DACH2: variants seen among roughly 807,000 people sequenced by gnomAD.
The protein encoded by DACH2 is dachshund homolog 2.
In DACH2, 17 loss-of-function variants were observed where a neutral mutation model predicts 35.8. That is an observed-to-expected ratio of 0.48 (90% CI 0.33 to 0.71). The LOEUF (loss-of-function observed/expected upper bound fraction) is 0.71. Ranked by LOEUF, DACH2 falls within the 30% of genes least tolerant of loss-of-function variation. DACH2 has a pLI of 0.02. For missense variants in DACH2, 469 were observed against 472.7 expected, an observed-to-expected ratio of 0.99 and a Z score of 0.07; for synonymous variants, 195 against 177.3, an observed-to-expected ratio of 1.10 and a Z score of -0.79.
At chrX:86,378,287 A>T (rs2035997485) in intron 2 of DACH2, among the ~76,000 whole-genome samples, 1 of 110,207 alleles carries the variant, frequency 9.1e-6, no homozygotes, top group Non-Finnish European at 1.9e-5. Context: ...ATCAGAGAAA[A>T]ACCATGAAGT....
At chrX:86,720,168 A>T (rs1316778888) in intron 6 of DACH2, among the ~76,000 whole-genome samples, 2 of 108,360 alleles carry the variant, frequency 1.8e-5, no homozygotes, top group African/African-American at 3.4e-5. Flanking sequence ...TGATCTCCTG[A>T]CCTTGTGATC....
At chrX:86,425,077 A>T (rs2036869664) in intron 2 of DACH2, among the ~76,000 whole-genome samples, 1 of 110,843 alleles carries the variant, frequency 9.0e-6, no homozygotes, top group South Asian at 3.7e-4. Flanking sequence ...TTGATTTGCT[A>T]GCATTTTGTT....
chrX:86,714,036 A>T (rs2041308095), intron 5 of DACH2, among the ~76,000 whole-genome samples: 1 of 111,682 alleles, frequency 9.0e-6, no homozygotes, highest in Non-Finnish European at 1.9e-5. Flanking sequence ...CATTTTAGAG[A>T]TTTATATCTA....
intron 1 of DACH2, among the ~76,000 whole-genome samples, chrX:86,233,306 T>A (rs919249738): frequency 2.7e-5 from 3 of 111,511 alleles, no homozygotes; most frequent in African/African-American, 9.8e-5. Flanking sequence ...TTTACCTATA[T>A]AACAAACCTG....
chrX:86,598,967 C>T (rs1035914090), intron 3 of DACH2, among the ~76,000 whole-genome samples: 2 of 109,877 alleles, frequency 1.8e-5, no homozygotes, highest in East Asian at 2.9e-4. Context: ...CGCCACCCCA[C>T]GACAGGCCCC....
intron 3 of DACH2, among the ~76,000 whole-genome samples, chrX:86,581,154 G>T (rs1425824855): frequency 1.8e-5 from 2 of 111,392 alleles, no homozygotes; most frequent in Admixed American, 9.6e-5. Flanking sequence ...GGAGAAATAA[G>T]ATCCTTCTAA....
intron 2 of DACH2, among the ~76,000 whole-genome samples, chrX:86,424,158 T>G (rs746886239): frequency 1.8e-5 from 2 of 110,676 alleles, no homozygotes; most frequent in African/African-American, 6.5e-5. Context: ...AGGAAAACTT[T>G]GGCTATTCTG....
At chrX:86,413,362 C>G (rs2036646983) in intron 2 of DACH2, among the ~76,000 whole-genome samples, 1 of 112,073 alleles carries the variant, frequency 8.9e-6, no homozygotes, top group African/African-American at 3.2e-5. Context: ...GCCTTATGGA[C>G]AGGAATGGAG....
intron 1 of DACH2, among the ~76,000 whole-genome samples, chrX:86,190,218 C>G (rs2031791413): frequency 9.1e-6 from 1 of 110,479 alleles, no homozygotes; most frequent in Non-Finnish European, 1.9e-5. Context: ...TATATGTAAA[C>G]TGTAATACTA....
At chrX:86,497,464 GAGACAGGA>G (rs1215307604) in intron 2 of DACH2, among the ~76,000 whole-genome samples, 1 of 111,475 alleles carries the variant, frequency 9.0e-6, no homozygotes, top group Admixed American at 9.6e-5. Context: ...GCAGGTGGAA[GAGACAGGA>G]AGACAGGTCA....
chrX:86,507,756 G>C (rs1301932811), intron 2 of DACH2, among the ~76,000 whole-genome samples: 1 of 111,655 alleles, frequency 9.0e-6, no homozygotes. Context: ...GAAGGTTCTG[G>C]AGCAAAATAT....
intron 7 of DACH2, among the ~76,000 whole-genome samples, chrX:86,749,304 C>T (rs1037439127): frequency 1.8e-5 from 2 of 112,078 alleles, no homozygotes; most frequent in African/African-American, 6.5e-5. Flanking sequence ...TTCAGCCTAT[C>T]TTGGCTTTTG....
At chrX:86,619,248 A>G (rs1278339340) in intron 3 of DACH2, among the ~76,000 whole-genome samples, 1 of 111,796 alleles carries the variant, frequency 8.9e-6, no homozygotes, top group African/African-American at 3.2e-5. Flanking sequence ...TGTAAAAATT[A>G]CCTTTGAAAA....
intron 4 of DACH2, among the ~76,000 whole-genome samples, chrX:86,662,884 A>C (rs959269675): frequency 2.7e-5 from 3 of 111,772 alleles, no homozygotes; most frequent in Non-Finnish European, 5.6e-5. Flanking sequence ...TATTATATAC[A>C]TACAGATTTA....
chrX:86,176,592 T>C (rs917318066), intron 1 of DACH2, among the ~76,000 whole-genome samples: 2 of 111,532 alleles, frequency 1.8e-5, no homozygotes, highest in African/African-American at 6.5e-5. Context: ...TGATTCTTAA[T>C]TTCTAAAATT....
chrX:86,498,671 A>G (rs1178369412), intron 2 of DACH2, among the ~76,000 whole-genome samples: 1 of 112,299 alleles, frequency 8.9e-6, no homozygotes, highest in Non-Finnish European at 1.9e-5. Flanking sequence ...ATTTAAGTAA[A>G]TCTTTCAAAG....
Position 86,562,380 on chromosome X carries a change from G to C in DACH2, c.640+47989G>C, listed in dbSNP as rs961169917. Among the ~76,000 whole-genome samples the C allele has an allele frequency of 2.7e-5, 3 of 111,198 alleles. No individual in the cohort carries two copies. In the Admixed American group the frequency reaches 2.9e-4, roughly 11 times the overall value. Reference sequence around the variant, plus strand: ...AATTTCACTTCATTTGAAAGAACGTGGGATGCCATCCTAATTATGTGACTT... The same window carrying C: ...AATTTCACTTCATTTGAAAGAACGTCGGATGCCATCCTAATTATGTGACTT... On this transcript the variant is annotated intron_variant, in intron 3 of 11. Coordinates refer to ENST00000373125, the MANE Select transcript of DACH2 (RefSeq NM_053281.3).
intron 3 of DACH2, among the ~76,000 whole-genome samples, chrX:86,546,530 A>T (rs1602632380): frequency 1.4e-5 from 1 of 71,448 alleles, no homozygotes; most frequent in Non-Finnish European, 2.5e-5. Context: ...TTTAAGACAG[A>T]GTCTTGTTCT....
chrX:86,514,435 C>T lies in DACH2; in HGVS notation c.640+44C>T, dbSNP rs144281985. 6,906 of 1,092,725 alleles carry T rather than the reference C, an allele frequency of 6.3e-3. 19 individuals carry two copies. Among genetic ancestry groups the T allele is most frequent in the Non-Finnish European group, 7.2e-3 (5,804 of 801,610 alleles). The allele number at this position is 1,092,725 out of a possible 1,213,427, so 90.1% of individuals were successfully genotyped here. ...TGATCAGCCATGTCTCTTCGTACTG[C>T]CCAGCATTTGAAATAAACCAATATT... On this transcript the variant is annotated intron_variant, in intron 3 of 11. Transcript: ENST00000373125.
Sources: allele counts gnomAD v4.1 joint callset (sites outside exome capture counted in the v4.1 genomes callset), GRCh38; gene constraint gnomAD v4.1.1; transcripts MANE v1.5; gene names NCBI Gene and HGNC (gene_info 2026-07-23, HGNC 2026-07-21).